The following ASIC2 variants were observed in gnomAD, a reference collection of about 807,000 sequenced individuals.
The protein encoded by ASIC2 is acid-sensing ion channel 2.
A neutral mutation model predicts 57.3 loss-of-function variants in ASIC2; 25 were observed. The observed-to-expected ratio is 0.44, with a 90% CI of 0.32 to 0.61. The LOEUF (loss-of-function observed/expected upper bound fraction) is 0.61, where lower values mean the gene tolerates loss of function less well. Among genes scored for constraint, ASIC2 ranks in the 20% least tolerant of loss-of-function variants. The pLI is 0.06. For missense variants in ASIC2, 641 were observed against 738.1 expected (o/e 0.87, Z 1.52); for synonymous variants, 319 against 307.5 (o/e 1.04, Z -0.39).
At chr17:33,877,170 A>G (rs1196594746) in intron 1 of ASIC2, among the ~76,000 whole-genome samples, 1 of 152,250 alleles carries the variant, frequency 6.6e-6, no homozygotes, top group Non-Finnish European at 1.5e-5. Context: ...TAGGAGCTCC[A>G]GTCTACAGCT....
chr17:33,113,318 A>C lies in ASIC2; in HGVS notation c.709-1251T>G, dbSNP rs547577542. Among the ~76,000 whole-genome samples the C allele has an allele frequency of 1.7e-4, 26 of 152,350 alleles. No individual in the cohort carries two copies. The South Asian group carries it at 2.5e-3, about 15-fold the overall frequency. ...GGTTATTGAGAGGATCAAATGAGGT[A>C]ATGCATGCAAAAGTGCTTTAAAACT... On this transcript the variant is annotated intron_variant, in intron 1 of 9. Transcript: ENST00000225823.
At chr17:33,810,313 A>G (rs1164986682) in intron 1 of ASIC2, among the ~76,000 whole-genome samples, 2 of 152,156 alleles carry the variant, frequency 1.3e-5, no homozygotes, top group South Asian at 2.1e-4. Flanking sequence ...AGTCTATTCT[A>G]TTGGTTTCCA....
At chr17:33,319,737 T>C (rs1906795227) in intron 1 of ASIC2, among the ~76,000 whole-genome samples, 1 of 152,182 alleles carries the variant, frequency 6.6e-6, no homozygotes, top group Non-Finnish European at 1.5e-5. Flanking sequence ...TTTCACCATG[T>C]TGCCGTAGCT....
At chr17:33,238,757 C>G (rs982434707) in intron 1 of ASIC2, among the ~76,000 whole-genome samples, 6 of 152,132 alleles carry the variant, frequency 3.9e-5, no homozygotes, top group African/African-American at 1.2e-4. Flanking sequence ...TTTGCTCGGC[C>G]GGGAGCGGTA....
intron 1 of ASIC2, among the ~76,000 whole-genome samples, chr17:33,953,902 G>T (rs1365053403): frequency 3.3e-5 from 5 of 152,166 alleles, no homozygotes; most frequent in African/African-American, 1.2e-4. Context: ...TGAATGTGAG[G>T]CTTTGGAATT....
At chr17:33,501,569 A>G (rs1914102123) in intron 1 of ASIC2, among the ~76,000 whole-genome samples, 1 of 152,234 alleles carries the variant, frequency 6.6e-6, no homozygotes, top group Non-Finnish European at 1.5e-5. Context: ...AATGTTTCCT[A>G]AAATGTATTT....
chr17:33,488,021 C>T (rs776856164), intron 1 of ASIC2, among the ~76,000 whole-genome samples: 6 of 152,202 alleles, frequency 3.9e-5, no homozygotes, highest in Non-Finnish European at 7.3e-5. Context: ...TTGTGATAAA[C>T]TCCCTTTCAT....
At chr17:33,546,320 T>G (rs1343527437) in intron 1 of ASIC2, among the ~76,000 whole-genome samples, 1 of 152,140 alleles carries the variant, frequency 6.6e-6, no homozygotes, top group East Asian at 1.9e-4. Context: ...GATTCCTTCC[T>G]TCATGTTTTC....
chr17:33,763,124 C>T (rs572238984), intron 1 of ASIC2, among the ~76,000 whole-genome samples: 1 of 152,264 alleles, frequency 6.6e-6, no homozygotes, highest in East Asian at 1.9e-4. Flanking sequence ...CATGCTGCCC[C>T]CAGCTTCAGT....
rs199748301 is a variant in ASIC2, at chr17:34,156,288, T to G, written c.245A>C (p.Gln82Pro). The change falls in exon 1 of 10, where the codon CAA becomes CCA. Residue 82 changes from glutamine (Q) to proline (P), a missense_variant. Coordinates refer to the ASIC2 transcript ENST00000359872. This position sits in a 1 kb window ranked among gnomAD's most constrained non-coding sequence, Gnocchi z 4.4. ...GGTCACAGCTGGGAAGACCAGGCTT[T>G]GAGCCACCACTTCGTCCACCTTAGT... 161 of 1,614,136 alleles carry G rather than the reference T, an allele frequency of 1.0e-4. No individual in the cohort carries two copies. The African/African-American group carries it at 1.9e-3, about 19-fold the overall frequency.
chr17:33,116,589 T>C (rs1306956327), intron 1 of ASIC2, among the ~76,000 whole-genome samples: 2 of 152,150 alleles, frequency 1.3e-5, no homozygotes, highest in Non-Finnish European at 2.9e-5. Context: ...TAAGAATTAA[T>C]TATGAATTAA....
intron 1 of ASIC2, among the ~76,000 whole-genome samples, chr17:33,913,374 T>C (rs542854370): frequency 6.6e-6 from 1 of 152,196 alleles, no homozygotes; most frequent in Non-Finnish European, 1.5e-5. Flanking sequence ...CCCATGGCAA[T>C]CCCTAAGTTA....
intron 1 of ASIC2, among the ~76,000 whole-genome samples, chr17:33,844,395 T>C (rs181270869): frequency 5.1e-4 from 78 of 152,270 alleles, no homozygotes; most frequent in Admixed American, 1.3e-3. Flanking sequence ...CTTCAAGACA[T>C]GTGGGCAGGA....
chr17:33,915,566 A>G lies in ASIC2; in HGVS notation c.555+240412T>C, dbSNP rs368624021. Among the ~76,000 whole-genome samples the G allele has an allele frequency of 2.6e-5, 4 of 152,016 alleles. No individual in the cohort carries two copies. In the East Asian group the frequency reaches 5.8e-4, roughly 22 times the overall value. On this transcript the variant is annotated intron_variant, in intron 1 of 9. Coordinates refer to the ASIC2 transcript ENST00000359872. ...CTACAGCCCGTTTTTCTGCTTCTCA[A>G]TTTTCTCAAATGAGCATCTATTGGC...
At chr17:33,142,934 C>G (rs1904382670) in intron 1 of ASIC2, among the ~76,000 whole-genome samples, 1 of 152,188 alleles carries the variant, frequency 6.6e-6, no homozygotes, top group Non-Finnish European at 1.5e-5. Context: ...AAGGCTAGGG[C>G]TGAGTGTCTT....
chr17:33,086,878 C>T (rs1261756219), intron 3 of ASIC2, among the ~76,000 whole-genome samples: 1 of 152,086 alleles, frequency 6.6e-6, no homozygotes, highest in Non-Finnish European at 1.5e-5. Context: ...CACCCAAGCC[C>T]CTTCCTGTTT....
In ASIC2 at chr17:33,177,107, A is replaced by T. The variant is rs190424191; in HGVS notation, c.709-65040T>A. On this transcript the variant is annotated intron_variant, in intron 1 of 9. Coordinates refer to ENST00000225823, the MANE Select transcript of ASIC2 (RefSeq NM_183377.2). ...TCCCTGCAATTCCTCTAGAGTAATAATGGGGCTAATTCAGGGGTGGGGAAG... is the reference window on the plus strand; with the variant it reads ...TCCCTGCAATTCCTCTAGAGTAATATTGGGGCTAATTCAGGGGTGGGGAAG... Among the ~76,000 whole-genome samples the T allele has an allele frequency of 3.6e-3, 543 of 152,254 alleles. 5 individuals are homozygous for T. The highest frequency in any genetic ancestry group is 0.012 in the African/African-American group (503 of 41,552).
At chr17:33,534,332 G>A (rs1915155828) in intron 1 of ASIC2, 1 of 152,176 alleles carries the variant, frequency 6.6e-6, no homozygotes, top group Non-Finnish European at 1.5e-5. Context: ...GAATCAAGCT[G>A]AGAGGGAGAA....
intron 3 of ASIC2, among the ~76,000 whole-genome samples, chr17:33,087,575 G>GTTTTTT (rs5820015): frequency 0.013 from 1,488 of 110,964 alleles, 102 homozygotes; most frequent in African/African-American, 0.046. Context: ...TACAACCAGT[G>GTTTTTT]TTTTTTTTTT....
Sources: gnomAD v4.1 joint callset for allele counts (sites outside exome capture counted in the v4.1 genomes callset) on GRCh38, gnomAD v4.1.1 for gene constraint, Gnocchi (gnomAD v3.1) non-coding constraint, MANE v1.5 for transcripts, NCBI Gene and HGNC (gene_info 2026-07-23, HGNC 2026-07-21) for gene names.